MAP4K3: variants seen among roughly 807,000 people sequenced by gnomAD.
The protein encoded by MAP4K3 is MAPK/ERK kinase kinase kinase 3.
MAP4K3 carries 94 observed loss-of-function variants against 143.5 expected under a neutral mutation model. The ratio of observed to expected loss-of-function variants is 0.65; its 90% CI spans 0.55 to 0.78. MAP4K3 has a LOEUF of 0.78. MAP4K3 is among the 30% of genes least tolerant of loss of function. The probability of loss-of-function intolerance (pLI) is 0.00; values close to 1 mark genes in which losing one functional copy is unlikely to be tolerated. For missense variants in MAP4K3, 1,077 were observed against 1,068.1 expected (o/e 1.01, Z -0.12); for synonymous variants, 416 against 347.2 (o/e 1.20, Z -2.20).
At chr2:39,330,329 T>G (rs1243745162) in intron 8 of MAP4K3, among the ~76,000 whole-genome samples, 1 of 152,094 alleles carries the variant, frequency 6.6e-6, no homozygotes, top group Non-Finnish European at 1.5e-5. Flanking sequence ...AAGACACTAG[T>G]GCAATACTTC....
intron 1 of MAP4K3, among the ~76,000 whole-genome samples, chr2:39,393,883 G>C (rs1321707028): frequency 6.6e-6 from 1 of 152,148 alleles, no homozygotes; most frequent in Non-Finnish European, 1.5e-5. Context: ...AAAAAAATCT[G>C]CATATGTGGA....
chr2:39,369,193 G>GTTTTTTTGTTTGTTTGT (rs747293878), intron 2 of MAP4K3, among the ~76,000 whole-genome samples: 3 of 37,978 alleles, frequency 7.9e-5, no homozygotes, highest in South Asian at 1.4e-3. Context: ...CTTTGGGCTA[G>GTTTTTTTGTTTGTTTGT]TTTTTTTTTT....
intron 1 of MAP4K3, among the ~76,000 whole-genome samples, chr2:39,421,553 A>G (rs1031269506): frequency 2.0e-5 from 3 of 152,026 alleles, no homozygotes; most frequent in African/African-American, 7.3e-5. Flanking sequence ...CAGTTTCTGT[A>G]TCTGTAAAAT....
At chr2:39,307,122 G>A (rs985663302) in intron 15 of MAP4K3, among the ~76,000 whole-genome samples, 12 of 152,156 alleles carry the variant, frequency 7.9e-5, no homozygotes, top group Non-Finnish European at 1.5e-4. Flanking sequence ...ATTGAAAGAT[G>A]TATGTTACTA....
chr2:39,356,856 T>C (rs1369658937), intron 2 of MAP4K3, among the ~76,000 whole-genome samples: 2 of 152,210 alleles, frequency 1.3e-5, no homozygotes, highest in African/African-American at 2.4e-5. Flanking sequence ...CCAAGTAACA[T>C]TTAATATAAT....
chr2:39,420,245 A>C (rs1199720383), intron 1 of MAP4K3, among the ~76,000 whole-genome samples: 2 of 152,208 alleles, frequency 1.3e-5, no homozygotes, highest in Non-Finnish European at 2.9e-5. Context: ...TTCTTAACTT[A>C]TTTCAACTGG....
At position 39,315,395 on chromosome 2, in the gene MAP4K3, A is replaced by G; in HGVS notation, c.919-7T>C. ...GTGGTACAGCAACAAGAGGCTAGAA[A>G]AGAACAAAATCAATGATATGCAGCA... is the stretch of plus-strand genomic sequence containing the variant. On this transcript the variant is annotated splice_polypyrimidine_tract_variant and splice_region_variant and intron_variant, in intron 12 of 33. Coordinates refer to ENST00000263881, the MANE Select transcript of MAP4K3 (RefSeq NM_003618.4). The G allele has an allele frequency of 6.3e-7, 1 of 1,595,178 alleles. No individual in the cohort carries two copies. The highest frequency in any genetic ancestry group is 1.1e-5 in the South Asian group (1 of 89,322).
intron 2 of MAP4K3, among the ~76,000 whole-genome samples, chr2:39,363,323 C>T (rs1305777268): frequency 6.6e-6 from 1 of 152,134 alleles, no homozygotes; most frequent in Non-Finnish European, 1.5e-5. Context: ...GGTTACTAGG[C>T]ACTCCTACAA....
chr2:39,291,795 T>C (rs887441884), intron 18 of MAP4K3, among the ~76,000 whole-genome samples: 1 of 152,114 alleles, frequency 6.6e-6, no homozygotes, highest in Admixed American at 6.5e-5. Context: ...GAGGACTGCT[T>C]GAGCCAGGAG....
chr2:39,273,232 T>C (rs1681104662), intron 24 of MAP4K3, among the ~76,000 whole-genome samples: 1 of 152,104 alleles, frequency 6.6e-6, no homozygotes, highest in African/African-American at 2.4e-5. Context: ...GTTATGCGTA[T>C]CAGTGGTTTT....
chr2:39,423,531 AG>A (rs1664958639), intron 1 of MAP4K3, among the ~76,000 whole-genome samples: 1 of 152,240 alleles, frequency 6.6e-6, no homozygotes, highest in African/African-American at 2.4e-5. Flanking sequence ...GTTCTTCAAT[AG>A]GTGAATGAAT....
chr2:39,330,042 T>A (rs1683631695), intron 8 of MAP4K3, among the ~76,000 whole-genome samples: 1 of 152,002 alleles, frequency 6.6e-6, no homozygotes, highest in Non-Finnish European at 1.5e-5. Flanking sequence ...ATTTAAGTGG[T>A]CCAAGATACA....
At chr2:39,309,555 T>A in intron 13 of MAP4K3, 36 bp from the exon 14 acceptor site, 2 of 1,175,580 alleles carry the variant, frequency 1.7e-6, no homozygotes, top group Non-Finnish European at 2.3e-6. Flanking sequence ...AGGATTTTTT[T>A]TTTTTTTTTT....
intron 13 of MAP4K3, among the ~76,000 whole-genome samples, chr2:39,309,732 G>C (rs992797025): frequency 4.6e-5 from 7 of 151,170 alleles, no homozygotes; most frequent in Non-Finnish European, 8.9e-5. Flanking sequence ...TGATTTTTTT[G>C]TATTTTTAGT....
intron 29 of MAP4K3, among the ~76,000 whole-genome samples, chr2:39,260,333 C>CT (rs776261934): frequency 3.3e-5 from 5 of 152,152 alleles, no homozygotes; most frequent in African/African-American, 7.2e-5. Flanking sequence ...CCAGGCTGTT[C>CT]TTGAACTCCT....
intron 2 of MAP4K3, among the ~76,000 whole-genome samples, chr2:39,358,793 C>T (rs1455024786): frequency 6.6e-6 from 1 of 152,140 alleles, no homozygotes; most frequent in African/African-American, 2.4e-5. Context: ...TAAAGATAGG[C>T]CTCCTATCAC....
chr2:39,424,235 C>T lies in MAP4K3; in HGVS notation c.96+12657G>A, dbSNP rs749258317. 2.0e-5 allele frequency among the ~76,000 whole-genome samples: 3 copies of T among 152,242 alleles called. No individual in the cohort carries two copies. In the East Asian group the frequency reaches 5.8e-4, roughly 30 times the overall value. ...CTGGGATTACAGGCGTGAGCCATCG[C>T]GCCCGGCCTGGTTCATCAATTTTAA... On this transcript the variant is annotated intron_variant, in intron 1 of 33. Coordinates refer to ENST00000263881, the MANE Select transcript of MAP4K3 (RefSeq NM_003618.4).
intron 24 of MAP4K3, among the ~76,000 whole-genome samples, chr2:39,277,893 C>T (rs1357514319): frequency 2.0e-5 from 3 of 151,594 alleles, no homozygotes; most frequent in African/African-American, 4.8e-5. Context: ...ATAAAAGACG[C>T]TGGGGTGGGG....
intron 1 of MAP4K3, among the ~76,000 whole-genome samples, chr2:39,398,995 G>A (rs1572489033): frequency 6.9e-6 from 1 of 145,876 alleles, no homozygotes; most frequent in African/African-American, 2.6e-5. Flanking sequence ...AGTGAGCTGA[G>A]ATCATGCCAT....
Sources: gnomAD v4.1 joint callset for allele counts (sites outside exome capture counted in the v4.1 genomes callset) on GRCh38, gnomAD v4.1.1 for gene constraint, MANE v1.5 for transcripts, NCBI Gene and HGNC (gene_info 2026-07-23, HGNC 2026-07-21) for gene names.